ARID1B: variants seen among roughly 807,000 people sequenced by gnomAD.
ARID1B encodes the protein AT-rich interactive domain-containing protein 1B.
ARID1B carries 30 observed loss-of-function variants against 212.3 expected under a neutral mutation model. That is an observed-to-expected ratio of 0.14 (90% confidence interval 0.11 to 0.19). The LOEUF (loss-of-function observed/expected upper bound fraction) is 0.19. Ranked by LOEUF, ARID1B falls within the 10% of genes least tolerant of loss-of-function variation. ARID1B has a pLI of 1.00. For missense variants in ARID1B, 2,891 were observed against 3,204.0 expected (o/e 0.90, Z 2.36); for synonymous variants, 1,402 against 1,301.7 (o/e 1.08, Z -1.66).
intron 4 of ARID1B, among the ~76,000 whole-genome samples, chr6:157,017,065 G>C (rs1409978803): frequency 6.6e-6 from 1 of 152,206 alleles, no homozygotes; most frequent in African/African-American, 2.4e-5. Context: ...GCTTAGTGTG[G>C]CTGCTAGGAA....
At chr6:156,848,050 G>A (rs920046952) in intron 2 of ARID1B, among the ~76,000 whole-genome samples, 3 of 152,198 alleles carry the variant, frequency 2.0e-5, no homozygotes, top group African/African-American at 7.2e-5. Context: ...CTCAAGGAAA[G>A]ATGCAGTGGT....
chr6:156,924,195 T>A (rs1791036663), intron 3 of ARID1B, among the ~76,000 whole-genome samples: 1 of 152,204 alleles, frequency 6.6e-6, no homozygotes, highest in African/African-American at 2.4e-5. Flanking sequence ...TGGGATAAGT[T>A]CCAAGACCCC....
chr6:156,779,640 C>T (rs973330889), intron 1 of ARID1B, 169 bp downstream of exon 1: 14 of 592,244 alleles, frequency 2.4e-5, no homozygotes, highest in Non-Finnish European at 2.9e-5. Context: ...GGTCGGGGCG[C>T]CCCGGGGGCC....
At chr6:157,077,375 A>G (rs1294042276) in intron 4 of ARID1B, among the ~76,000 whole-genome samples, 2 of 152,148 alleles carry the variant, frequency 1.3e-5, no homozygotes, top group Non-Finnish European at 2.9e-5. Context: ...CCTGGTTCCT[A>G]AAAATGTAGG....
At position 157,208,085 on chromosome 6, in the gene ARID1B, G is replaced by A. The variant is rs774413188; in HGVS notation, c.*194G>A. The A allele has an allele frequency of 3.5e-6, 2 of 579,638 alleles. No individual in the cohort carries two copies. Among genetic ancestry groups the A allele is most frequent in the Non-Finnish European group, 2.6e-6 (1 of 387,178 alleles). The allele number at this position is 579,638 out of a possible 1,614,324, so 35.9% of individuals were successfully genotyped here. ...GTTATGAAATTAATATTTGCTGTCT[G>A]TGTGTATAAGTACATCCTTTGGGGT... On this transcript the variant is annotated 3_prime_UTR_variant, in exon 20 of 20. Transcript: ENST00000636930.
At chr6:156,835,787 G>A (rs2128066830) in intron 2 of ARID1B, among the ~76,000 whole-genome samples, 1 of 152,154 alleles carries the variant, frequency 6.6e-6, no homozygotes, top group South Asian at 2.1e-4. Context: ...TGTTGCCCGG[G>A]CTGGAGTGCA....
Position 156,778,011 on chromosome 6 carries a change from G to A in ARID1B, c.331G>A (p.Gly111Ser), listed in dbSNP as rs777781316. Reference protein sequence around the residue: ...SGGSEAALKEGGSAAALSSSS... With the variant: ...SGGSEAALKESGSAAALSSSS... ...CGGCTCCGAGGCGGCTCTCAAGGAGGGTGGAAGCGCCGCCGCGCTGTCCTC... is the reference window on the plus strand; with the variant it reads ...CGGCTCCGAGGCGGCTCTCAAGGAGAGTGGAAGCGCCGCCGCGCTGTCCTC... Residue 111 changes from glycine (G) to serine (S), a missense_variant, in exon 1 of 20, where the codon GGT becomes AGT. Coordinates refer to ENST00000636930, the MANE Select transcript of ARID1B (RefSeq NM_001374828.1). 6.5e-6 allele frequency: 10 copies of A among 1,532,992 alleles called. No individual in the cohort carries two copies. The highest frequency in any genetic ancestry group is 2.5e-5 in the East Asian group (1 of 40,732). 95.0% of individuals were successfully genotyped at this position (1,532,992 alleles called of 1,614,324 possible). A position where few individuals can be genotyped will look rare whatever the true frequency, so the allele number is the denominator to read the frequency against.
At chr6:157,058,861 T>C (rs1783147032) in intron 4 of ARID1B, among the ~76,000 whole-genome samples, 1 of 152,122 alleles carries the variant, frequency 6.6e-6, no homozygotes, top group Non-Finnish European at 1.5e-5. Flanking sequence ...TACCACGTGG[T>C]CTGGGGTGAT....
chr6:156,779,231 C>A lies in ARID1B; in HGVS notation c.1551C>A (p.Gly517=). 1.6e-6 allele frequency: 2 copies of A among 1,249,326 alleles called. No homozygotes were observed. Among genetic ancestry groups the A allele is most frequent in the South Asian group, 2.6e-5 (1 of 38,816 alleles). The allele number at this position is 1,249,326 out of a possible 1,614,324, so 77.4% of individuals were successfully genotyped here. A position where few individuals can be genotyped will look rare whatever the true frequency, so the allele number is the denominator to read the frequency against. Reference sequence around the variant, plus strand: ...CCAGCCCCATGATGCGGAGCTACGGCGGCAGCTACCCCGAGTACAGCAGCC... The same window carrying A: ...CCAGCCCCATGATGCGGAGCTACGGAGGCAGCTACCCCGAGTACAGCAGCC... ...TSPSPMMRSY[G]GSYPEYSSPS... Residue 517 remains glycine (G), a synonymous_variant, in exon 1 of 20, where the codon GGC becomes GGA. Transcript: ENST00000636930.
chr6:157,078,618 T>C (rs1562599305), intron 4 of ARID1B, among the ~76,000 whole-genome samples: 2 of 152,210 alleles, frequency 1.3e-5, no homozygotes, highest in Admixed American at 6.5e-5. Context: ...ACTTGCATTG[T>C]TTACCACTTC....
At chr6:156,879,092 C>T (rs1357298938) in intron 2 of ARID1B, among the ~76,000 whole-genome samples, 1 of 152,214 alleles carries the variant, frequency 6.6e-6, no homozygotes, top group Non-Finnish European at 1.5e-5. Context: ...CCAGCCTATC[C>T]CGGCTGTGCC....
chr6:156,998,676 T>G (rs1778745661), intron 4 of ARID1B, among the ~76,000 whole-genome samples: 1 of 152,132 alleles, frequency 6.6e-6, no homozygotes, highest in African/African-American at 2.4e-5. Context: ...TCCAGCTCAG[T>G]TGTTGAGCGG....
At chr6:157,067,331 A>T (rs1415290048) in intron 4 of ARID1B, among the ~76,000 whole-genome samples, 1 of 152,172 alleles carries the variant, frequency 6.6e-6, no homozygotes, top group East Asian at 1.9e-4. Flanking sequence ...CAGGCCATCT[A>T]CTGGTGCCAG....
chr6:156,993,131 C>A (rs534973845), intron 4 of ARID1B, among the ~76,000 whole-genome samples: 1 of 151,834 alleles, frequency 6.6e-6, no homozygotes, highest in African/African-American at 2.4e-5. Context: ...CAAACTCCGC[C>A]TCCCGGTTCA....
chr6:156,794,989 G>T (rs1780258106), intron 1 of ARID1B, among the ~76,000 whole-genome samples: 1 of 152,130 alleles, frequency 6.6e-6, no homozygotes, highest in South Asian at 2.1e-4. Context: ...GTGGCATTGG[G>T]ATTTTCTGAT....
At chr6:156,823,109 A>C (rs1456314836) in intron 1 of ARID1B, among the ~76,000 whole-genome samples, 1 of 152,124 alleles carries the variant, frequency 6.6e-6, no homozygotes, top group Non-Finnish European at 1.5e-5. Context: ...GTATTGAAGA[A>C]ATGGCACGTT....
chr6:157,159,561 GA>G (rs1369639772), intron 8 of ARID1B, among the ~76,000 whole-genome samples: 1 of 152,236 alleles, frequency 6.6e-6, no homozygotes, highest in Admixed American at 6.5e-5. Context: ...TAACAGGTCG[GA>G]ACCTTCTGAG....
intron 2 of ARID1B, among the ~76,000 whole-genome samples, chr6:156,864,787 C>A (rs968091966): frequency 4.6e-5 from 7 of 152,192 alleles, no homozygotes; most frequent in African/African-American, 1.7e-4. Context: ...TATCCTCTCT[C>A]ATCCTCCTAG....
chr6:156,898,231 C>A (rs1788642857), intron 2 of ARID1B, among the ~76,000 whole-genome samples: 1 of 152,116 alleles, frequency 6.6e-6, no homozygotes, highest in South Asian at 2.1e-4. Context: ...AGTTATCCTG[C>A]ATATGGTTAA....
Sources: gnomAD v4.1 joint callset for allele counts (sites outside exome capture counted in the v4.1 genomes callset) on GRCh38, gnomAD v4.1.1 for gene constraint, MANE v1.5 for transcripts, NCBI Gene and HGNC (gene_info 2026-07-23, HGNC 2026-07-21) for gene names.